Variants in CHD1 observed in about 807,000 individuals in gnomAD.
The protein encoded by CHD1 is ATP-dependent chromatin remodeler CHD1.
Under a neutral mutation model 224.2 loss-of-function variants are expected in CHD1, and 36 were observed. That is an observed-to-expected ratio of 0.16 (90% CI 0.12 to 0.21). The LOEUF (loss-of-function observed/expected upper bound fraction) is 0.21. CHD1 is among the 10% of genes least tolerant of loss of function. CHD1 has a pLI of 1.00. For missense variants in CHD1, 1,378 were observed against 1,994.8 expected, an observed-to-expected ratio of 0.69 and a Z score of 5.89; for synonymous variants, 668 against 658.3, an observed-to-expected ratio of 1.01 and a Z score of -0.23.
chr5:98,921,337 A>G (rs1445548747), intron 2 of CHD1, among the ~76,000 whole-genome samples: 1 of 152,218 alleles, frequency 6.6e-6, no homozygotes, highest in Non-Finnish European at 1.5e-5. Context: ...AACCATGTAT[A>G]ACAACATCAA....
chr5:98,900,957 A>G lies in CHD1; in HGVS notation c.713T>C (p.Val238Ala). 8.1e-6 allele frequency: 13 copies of G among 1,613,988 alleles called. No individual in the cohort carries two copies. The highest frequency in any genetic ancestry group is 1.1e-5 in the Non-Finnish European group (13 of 1,179,992). Residue 238 changes from valine to alanine, a missense_variant, in exon 7 of 36, where the codon GTT (valine) becomes GCT (alanine). Physicochemically the swap from Val to Ala is moderately conservative, Grantham distance 64. Transcript: ENST00000614616. Reference protein sequence around the residue: ...DKRSSRRQATVNVSYKEDEEM... With the variant: ...DKRSSRRQATANVSYKEDEEM... ...TTCATCCTCCTTATAGCTAACATTAACAGTTGCTTGGCGACGAGAACTTCT... is the reference window on the plus strand; with the variant it reads ...TTCATCCTCCTTATAGCTAACATTAGCAGTTGCTTGGCGACGAGAACTTCT...
At chr5:98,875,279 A>G (rs1749668820) in intron 24 of CHD1, among the ~76,000 whole-genome samples, 166 bp from the exon 25 acceptor site, 1 of 152,212 alleles carries the variant, frequency 6.6e-6, no homozygotes, top group Non-Finnish European at 1.5e-5. Context: ...ATGTTAAAAC[A>G]TTAAGATACA....
At chr5:98,880,308 C>T (rs538606123) in intron 22 of CHD1, among the ~76,000 whole-genome samples, 98 of 152,290 alleles carry the variant, frequency 6.4e-4, no homozygotes, top group African/African-American at 2.3e-3. Context: ...ACCTCTTAAC[C>T]AGGATTACTC....
At chr5:98,921,763 A>G (rs760781416) in intron 2 of CHD1, among the ~76,000 whole-genome samples, 4 of 152,232 alleles carry the variant, frequency 2.6e-5, no homozygotes, top group Non-Finnish European at 5.9e-5. Flanking sequence ...ACATACAGAA[A>G]AGTAATCTTT....
In CHD1 at chr5:98,858,398, A is replaced by G. The variant is rs186581344; in HGVS notation, c.4577-8T>C. The G allele has an allele frequency of 2.1e-5, 34 of 1,603,916 alleles. No individual in the cohort carries two copies. The East Asian group carries it at 2.2e-4, about 11-fold the overall frequency. The stretch of plus-strand genomic sequence containing the variant: ...CTTTTAATCTTTCCACATCTGTTAG[A>G]TAAGTACAACTTTTATTAATGACCT... On this transcript the variant is annotated splice_region_variant and splice_polypyrimidine_tract_variant and intron_variant, in intron 34 of 35. Transcript: ENST00000614616.
chr5:98,897,155 C>A (rs752695036), intron 11 of CHD1, 38 bp downstream of exon 11: 4 of 1,588,656 alleles, frequency 2.5e-6, no homozygotes, highest in Non-Finnish European at 1.7e-6. Context: ...TAAATTCTTA[C>A]TCTGTCAAAT....
chr5:98,895,758 A>AC (rs1174678834), intron 12 of CHD1, among the ~76,000 whole-genome samples: 1 of 151,170 alleles, frequency 6.6e-6, no homozygotes, highest in Non-Finnish European at 1.5e-5. Flanking sequence ...AAAAAAAAAA[A>AC]CCCACCAAAA....
At chr5:98,927,525 A>T (rs1385849938) in intron 1 of CHD1, among the ~76,000 whole-genome samples, 1 of 152,232 alleles carries the variant, frequency 6.6e-6, no homozygotes, top group South Asian at 2.1e-4. Flanking sequence ...CAAAGTCTGC[A>T]TCTGGATCAG....
intron 2 of CHD1, among the ~76,000 whole-genome samples, chr5:98,916,178 G>A (rs889874939): frequency 5.3e-5 from 8 of 151,946 alleles, no homozygotes; most frequent in African/African-American, 1.9e-4. Context: ...GGCAACAAGA[G>A]CAAAACTCCA....
chr5:98,885,710 A>T, intron 17 of CHD1, 61 bp from the exon 18 acceptor site: 1 of 976,888 alleles, frequency 1.0e-6, no homozygotes, highest in East Asian at 2.4e-5. Context: ...AAGCAATTAA[A>T]ATCAATTATA....
At chr5:98,897,887 G>A (rs1751444514) in intron 10 of CHD1, among the ~76,000 whole-genome samples, 1 of 152,016 alleles carries the variant, frequency 6.6e-6, no homozygotes, top group African/African-American at 2.4e-5. Flanking sequence ...CTTTAAAATT[G>A]AGCATATCTC....
At chr5:98,926,881 C>T (rs927117744) in intron 1 of CHD1, among the ~76,000 whole-genome samples, 3 of 120,866 alleles carry the variant, frequency 2.5e-5, no homozygotes, top group Non-Finnish European at 4.7e-5. Context: ...GAGTAGATAA[C>T]GGAGTCTTAT....
intron 26 of CHD1, 82 bp downstream of exon 26, chr5:98,873,511 A>C (rs556147584): frequency 9.5e-7 from 1 of 1,049,422 alleles, no homozygotes; most frequent in South Asian, 2.7e-5. Context: ...TAAATAATTT[A>C]AGATATAATA....
In CHD1 at chr5:98,883,255, A is replaced by C. The variant is rs1039314019; in HGVS notation, c.2569-18T>G. The C allele has an allele frequency of 2.6e-6, 4 of 1,540,436 alleles. No homozygotes were observed. The Admixed American group carries it at 8.8e-5, about 34-fold the overall frequency. On this transcript the variant is annotated intron_variant, in intron 18 of 35. Transcript: ENST00000614616. The stretch of plus-strand genomic sequence containing the variant: ...CAAAAATCCTGTAAGAAATTGAATA[A>C]TCAAAATGAAAAATTTTTCAATTGA...
chr5:98,902,308 T>G (rs1179850041), intron 5 of CHD1, among the ~76,000 whole-genome samples: 2 of 152,094 alleles, frequency 1.3e-5, no homozygotes, highest in East Asian at 3.8e-4. Flanking sequence ...GCATGAATCT[T>G]TTTTTGGGAA....
In CHD1 at chr5:98,855,826, T is replaced by C. The variant is rs139918850; in HGVS notation, c.*554A>G. 6.6e-6 allele frequency: 1 copy of C among 151,814 alleles called. No homozygotes were observed. The highest frequency in any genetic ancestry group is 2.4e-5 in the African/African-American group (1 of 41,338). 9.4% of individuals were successfully genotyped at this position (151,814 alleles called of 1,614,324 possible). ...GGCATAATAGATCACAAACAGGAAA[T>C]TCCTGGCTATTTTACAGATATAAGT... is the stretch of plus-strand genomic sequence containing the variant. On this transcript the variant is annotated 3_prime_UTR_variant, in exon 36 of 36. Transcript: ENST00000614616.
intron 2 of CHD1, among the ~76,000 whole-genome samples, chr5:98,916,165 C>T (rs1752715432): frequency 6.6e-6 from 1 of 151,944 alleles, no homozygotes; most frequent in Non-Finnish European, 1.5e-5. Context: ...GCACTCCAGC[C>T]TAGGCAACAA....
chr5:98,905,609 A>G (rs1751997821), intron 2 of CHD1, among the ~76,000 whole-genome samples: 1 of 152,206 alleles, frequency 6.6e-6, no homozygotes, highest in African/African-American at 2.4e-5. Flanking sequence ...CTCCAGGAGA[A>G]CATAATTTAT....
intron 2 of CHD1, among the ~76,000 whole-genome samples, chr5:98,920,796 C>CAA (rs1232499151): frequency 1.2e-4 from 10 of 82,240 alleles, no homozygotes; most frequent in African/African-American, 1.9e-4. Context: ...GACGCCGTCT[C>CAA]AAAAAAAAAA....
Sources: allele counts gnomAD v4.1 joint callset (sites outside exome capture counted in the v4.1 genomes callset), GRCh38; gene constraint gnomAD v4.1.1; transcripts MANE v1.5; gene names NCBI Gene and HGNC (gene_info 2026-07-23, HGNC 2026-07-21).